The following EPS8 variants were observed in gnomAD, a reference collection of about 807,000 sequenced individuals.
EPS8 encodes the protein EGFR pathway substrate 8, signaling adaptor, also known as epidermal growth factor receptor kinase substrate 8.
Under a neutral mutation model 103.8 loss-of-function variants are expected in EPS8, and 42 were observed. The ratio of observed to expected loss-of-function variants is 0.40; its 90% CI spans 0.32 to 0.52. The LOEUF (loss-of-function observed/expected upper bound fraction) is 0.52, where lower values mean the gene tolerates loss of function less well. Among genes scored for constraint, EPS8 ranks in the 20% least tolerant of loss-of-function variants. The pLI, the probability that EPS8 is intolerant of heterozygous loss-of-function variation, is 0.40. For missense variants in EPS8, 969 were observed against 1,005.1 expected, an observed-to-expected ratio of 0.96 and a Z score of 0.49; for synonymous variants, 344 against 344.6, an observed-to-expected ratio of 1.00 and a Z score of 0.02.
At position 15,721,972 on chromosome 12, in the gene EPS8, A is replaced by AC. The variant is rs1256130165; in HGVS notation, c.-21-39001dup. On this transcript the variant is annotated intron_variant, in intron 1 of 20. Coordinates refer to ENST00000281172, the MANE Select transcript of EPS8 (RefSeq NM_004447.6). This position sits in a 1 kb window ranked among gnomAD's most constrained non-coding sequence, Gnocchi z 4.4. ...TCTAGTTTTTTTTTAATGCATACATACTTTTTTTTTTCAAAGGGGGCTACT... is the reference window on the plus strand; with the variant it reads ...TCTAGTTTTTTTTTAATGCATACATACCTTTTTTTTTTCAAAGGGGGCTACT... 6.6e-6 allele frequency among the ~76,000 whole-genome samples: 1 copy of AC among 151,526 alleles called. No homozygotes were observed. Among genetic ancestry groups the AC allele is most frequent in the Non-Finnish European group, 1.5e-5 (1 of 67,894 alleles).
At position 15,650,963 on chromosome 12, in the gene EPS8, G is replaced by C; in HGVS notation, c.1294C>G (p.Arg432Gly). The C allele has an allele frequency of 6.2e-7, 1 of 1,614,092 alleles. No homozygotes were observed. Among genetic ancestry groups the C allele is most frequent in the Admixed American group, 1.7e-5 (1 of 60,018 alleles). Reference protein sequence around the residue: ...KEQFIPPYVPRFRNGWEPPML... With the variant: ...KEQFIPPYVPGFRNGWEPPML... Reference sequence around the variant, plus strand: ...GGGGGCTCCCAGCCATTGCGGAATCGTGGAACATATGGTGGAATAAACTGT... The same window carrying C: ...GGGGGCTCCCAGCCATTGCGGAATCCTGGAACATATGGTGGAATAAACTGT... Residue 432 changes from arginine to glycine, a missense_variant, in exon 14 of 21, where the codon CGA (arginine) becomes GGA (glycine). Coordinates refer to ENST00000281172, the MANE Select transcript of EPS8 (RefSeq NM_004447.6).
In EPS8 at chr12:15,752,854, T is replaced by C. The variant is rs914689167; in HGVS notation, c.-22+36307A>G. On this transcript the variant is annotated intron_variant, in intron 1 of 20. Coordinates refer to ENST00000281172, the MANE Select transcript of EPS8 (RefSeq NM_004447.6). This position sits in a 1 kb window ranked among gnomAD's most constrained non-coding sequence, Gnocchi z 4.4. ...AAATACCTTTGAATCCACTATCTCATTGCATTATCATAAAATCCTATGAGA... is the reference window on the plus strand; with the variant it reads ...AAATACCTTTGAATCCACTATCTCACTGCATTATCATAAAATCCTATGAGA... Among the ~76,000 whole-genome samples the C allele has an allele frequency of 6.6e-6, 1 of 152,126 alleles. No homozygotes were observed. The highest frequency in any genetic ancestry group is 2.4e-5 in the African/African-American group (1 of 41,414).
chr12:15,675,377 A>ATCAC (rs1945885561), intron 3 of EPS8, among the ~76,000 whole-genome samples: 1 of 152,238 alleles, frequency 6.6e-6, no homozygotes, highest in African/African-American at 2.4e-5. Context: ...AGGCAGGCAG[A>ATCAC]TCACTTGAGG....
chr12:15,643,895 A>T (rs1945276034), intron 15 of EPS8, among the ~76,000 whole-genome samples: 1 of 152,218 alleles, frequency 6.6e-6, no homozygotes, highest in South Asian at 2.1e-4. Flanking sequence ...ACTTCTCTAA[A>T]ATACTAATTG....
At position 15,664,761 on chromosome 12, in the gene EPS8, C is replaced by T. The variant is rs143831654; in HGVS notation, c.736+995G>A. Among the ~76,000 whole-genome samples, 299 of 152,246 alleles carry T rather than the reference C, an allele frequency of 2.0e-3. 4 individuals carry two copies. The highest frequency in any genetic ancestry group is 6.8e-3 in the African/African-American group (282 of 41,544). ...AAGTTAAGAAGTTCCACTGGAGTAG[C>T]GGCAAAAGAATGAGGCTCTAGAGTT... On this transcript the variant is annotated intron_variant, in intron 8 of 20. Coordinates refer to ENST00000281172, the MANE Select transcript of EPS8 (RefSeq NM_004447.6).
chr12:15,699,271 G>A (rs1340490103), intron 1 of EPS8, among the ~76,000 whole-genome samples: 1 of 152,168 alleles, frequency 6.6e-6, no homozygotes, highest in Admixed American at 6.5e-5. Context: ...GTGGTATTTT[G>A]CCATAGTGAA....
At chr12:15,739,974 C>T (rs2136004494) in intron 1 of EPS8, among the ~76,000 whole-genome samples, 1 of 152,180 alleles carries the variant, frequency 6.6e-6, no homozygotes, top group South Asian at 2.1e-4. Flanking sequence ...CCATTTTCAA[C>T]TCTTACATTC....
intron 14 of EPS8, among the ~76,000 whole-genome samples, chr12:15,649,247 A>T (rs1415746445): frequency 6.6e-6 from 1 of 152,222 alleles, no homozygotes; most frequent in Non-Finnish European, 1.5e-5. Flanking sequence ...CCCAGAACAC[A>T]TTACTCTCTT....
chr12:15,627,803 G>A (rs1188444554), intron 18 of EPS8, among the ~76,000 whole-genome samples: 1 of 152,144 alleles, frequency 6.6e-6, no homozygotes, highest in Non-Finnish European at 1.5e-5. Context: ...TTTAAAATAT[G>A]TGTGTATATA....
At chr12:15,743,333 C>T (rs1205860244) in intron 1 of EPS8, among the ~76,000 whole-genome samples, 2 of 152,200 alleles carry the variant, frequency 1.3e-5, no homozygotes, top group African/African-American at 4.8e-5. Flanking sequence ...AATGGCCATA[C>T]TGCCCAAGGT....
At chr12:15,624,875 GA>G (rs1448918470) in intron 18 of EPS8, among the ~76,000 whole-genome samples, 1 of 152,088 alleles carries the variant, frequency 6.6e-6, no homozygotes, top group Non-Finnish European at 1.5e-5. Context: ...ACAATTGAGG[GA>G]GAAAAAGGGG....
intron 1 of EPS8, among the ~76,000 whole-genome samples, chr12:15,786,921 T>C (rs1250363066): frequency 6.6e-6 from 1 of 152,154 alleles, no homozygotes; most frequent in African/African-American, 2.4e-5. Flanking sequence ...TCCCCCGACA[T>C]ACCTCTACAG....
intron 3 of EPS8, among the ~76,000 whole-genome samples, chr12:15,680,869 T>C (rs1945992803): frequency 6.6e-6 from 1 of 152,028 alleles, no homozygotes; most frequent in Non-Finnish European, 1.5e-5. Flanking sequence ...TCAAGAGCTA[T>C]CAGGAAAACG....
chr12:15,665,665 A>C, intron 8 of EPS8, 91 bp downstream of exon 8: 1 of 1,473,810 alleles, frequency 6.8e-7, no homozygotes, highest in Middle Eastern at 1.7e-4. Flanking sequence ...CTCAAGCTTC[A>C]GTTCTGAAAT....
At chr12:15,768,007 A>G (rs1565536568) in intron 1 of EPS8, among the ~76,000 whole-genome samples, 1 of 152,266 alleles carries the variant, frequency 6.6e-6, no homozygotes. Context: ...ATTGCAGTTA[A>G]GAATTAACCT....
chr12:15,647,461 A>C (rs1171504063), intron 14 of EPS8, among the ~76,000 whole-genome samples: 1 of 152,198 alleles, frequency 6.6e-6, no homozygotes, highest in African/African-American at 2.4e-5. Context: ...ATTAGTGCAA[A>C]GGGTAATCTT....
In EPS8 at chr12:15,767,793, C is replaced by T. The variant is rs916640761; in HGVS notation, c.-22+21368G>A. On this transcript the variant is annotated intron_variant, in intron 1 of 20. Transcript: ENST00000281172. The surrounding 1 kb of genome is among the most constrained non-coding windows in gnomAD (Gnocchi z 5.5). ...AAAATACTCATTTGTCAGTTTTAAG[C>T]TGTCTGGAAATCTGTTTTCCCAACA... Among the ~76,000 whole-genome samples, 1 of 152,186 alleles carries T rather than the reference C, an allele frequency of 6.6e-6. No individual in the cohort carries two copies. The highest frequency in any genetic ancestry group is 2.4e-5 in the African/African-American group (1 of 41,454).
Position 15,660,587 on chromosome 12 carries a change from T to C in EPS8, c.937+27A>G, listed in dbSNP as rs759772987. 6 of 1,081,082 alleles carry C rather than the reference T, an allele frequency of 5.6e-6. No individual in the cohort carries two copies. The East Asian group carries it at 1.2e-4, about 21-fold the overall frequency. 67.0% of individuals were successfully genotyped at this position (1,081,082 alleles called of 1,614,324 possible). A position where few individuals can be genotyped will look rare whatever the true frequency, so the allele number is the denominator to read the frequency against. Reference sequence around the variant, plus strand: ...CCAGTACTGGAGATCTAACCAGGCATTAGAAGATTAAGAAAATCCAACTTA... The same window carrying C: ...CCAGTACTGGAGATCTAACCAGGCACTAGAAGATTAAGAAAATCCAACTTA... On this transcript the variant is annotated intron_variant, in intron 10 of 20. Coordinates refer to ENST00000281172, the MANE Select transcript of EPS8 (RefSeq NM_004447.6).
At chr12:15,689,217 C>T (rs1946139365) in intron 1 of EPS8, among the ~76,000 whole-genome samples, 3 of 151,394 alleles carry the variant, frequency 2.0e-5, no homozygotes, top group South Asian at 2.1e-4. Flanking sequence ...TTTATTTGCT[C>T]GGATGTGCAA....
Sources: gnomAD v4.1 joint callset for allele counts (sites outside exome capture counted in the v4.1 genomes callset) on GRCh38, gnomAD v4.1.1 for gene constraint, Gnocchi (gnomAD v3.1) non-coding constraint, MANE v1.5 for transcripts, NCBI Gene and HGNC (gene_info 2026-07-23, HGNC 2026-07-21) for gene names.